SETD5: variants seen among roughly 807,000 people sequenced by gnomAD.
SETD5 encodes histone-lysine N-methyltransferase SETD5.
Under a neutral mutation model 153.3 loss-of-function variants are expected in SETD5, and 44 were observed. That is an observed-to-expected ratio of 0.29 (90% CI 0.23 to 0.37). The LOEUF (loss-of-function observed/expected upper bound fraction) is 0.37, where lower values mean the gene tolerates loss of function less well. Among genes scored for constraint, SETD5 ranks in the 10% least tolerant of loss-of-function variants. SETD5 has a pLI of 1.00. For synonymous variants in SETD5, 716 were observed against 645.2 expected (o/e 1.11, Z -1.66); for missense variants, 1,544 against 1,768.0 (o/e 0.87, Z 2.27).
chr3:9,453,922 A>C (rs2042920805), intron 17 of SETD5, 54 bp downstream of exon 17: 2 of 1,453,732 alleles, frequency 1.4e-6, no homozygotes, highest in Non-Finnish European at 1.8e-6. Flanking sequence ...TCAGGTCTGC[A>C]TAAAAAATTT....
At chr3:9,474,362 T>C in intron 20 of SETD5, 87 bp from the exon 21 acceptor site, 1 of 1,445,124 alleles carries the variant, frequency 6.9e-7, no homozygotes. Context: ...AGAGGATGTT[T>C]TAAGAAAATA....
At chr3:9,451,918 A>AT (rs2042668175) in intron 16 of SETD5, among the ~76,000 whole-genome samples, 1 of 152,212 alleles carries the variant, frequency 6.6e-6, no homozygotes, top group Admixed American at 6.5e-5. Flanking sequence ...TGTTCTTTTG[A>AT]TTTTAACAAC....
intron 14 of SETD5, 23 bp downstream of exon 14, chr3:9,447,330 C>A: frequency 6.3e-7 from 1 of 1,593,762 alleles, no homozygotes; most frequent in Non-Finnish European, 8.5e-7. Flanking sequence ...AAGACTTCAG[C>A]ACTTAGACAT....
At chr3:9,474,660 A>G (rs1052072063) in intron 21 of SETD5, 78 bp downstream of exon 21, 4 of 1,547,034 alleles carry the variant, frequency 2.6e-6, no homozygotes, top group Non-Finnish European at 2.6e-6. Context: ...CCTAGTGCTG[A>G]GTTGAGGTGA....
At chr3:9,447,388 C>T in intron 14 of SETD5, 81 bp downstream of exon 14, 1 of 1,516,458 alleles carries the variant, frequency 6.6e-7, no homozygotes, top group Non-Finnish European at 8.8e-7. Flanking sequence ...TTTTTAAAAT[C>T]AGTGTTTTCA....
intron 16 of SETD5, among the ~76,000 whole-genome samples, chr3:9,450,658 G>T (rs1479996099): frequency 6.6e-6 from 1 of 152,078 alleles, no homozygotes; most frequent in Non-Finnish European, 1.5e-5. Flanking sequence ...CAACAAAATT[G>T]TAATAAAATT....
rs2044335309 is a variant in SETD5, at chr3:9,464,535, T to C, written c.2587T>C (p.Ser863Pro). The change falls in exon 18 of 23, where the codon TCA (serine) becomes CCA (proline). Residue 863 changes from serine to proline, a missense_variant. Coordinates refer to ENST00000402198, the MANE Select transcript of SETD5 (RefSeq NM_001080517.3). ...CACACCACCCCCTCCCAATTCAGGC[T>C]CAAAGAGTCCCCAGCTGGCCACACC... is the stretch of plus-strand genomic sequence containing the variant. ...PVTPPPPNSGSKSPQLATPGS... is the reference protein window; with the variant it reads ...PVTPPPPNSGPKSPQLATPGS... 6.2e-7 allele frequency: 1 copy of C among 1,613,878 alleles called. No individual in the cohort carries two copies.
chr3:9,453,325 G>A lies in SETD5; in HGVS notation c.2347-414G>A, dbSNP rs550131169. Among the ~76,000 whole-genome samples, 25 of 152,156 alleles carry A rather than the reference G, an allele frequency of 1.6e-4. No individual in the cohort carries two copies. In the East Asian group the frequency reaches 4.4e-3, roughly 27 times the overall value. ...CCTCTTCACACGTCTCTAGCACGGG[G>A]CAGACAACTTTTAAGAGATCTTTAT... On this transcript the variant is annotated intron_variant, in intron 16 of 22. Transcript: ENST00000402198.
chr3:9,459,612 T>A (rs1457932940), intron 17 of SETD5, among the ~76,000 whole-genome samples: 4 of 131,594 alleles, frequency 3.0e-5, no homozygotes, highest in South Asian at 2.3e-4. Flanking sequence ...CTACTAAAAA[T>A]ACAACAACAA....
intron 15 of SETD5, 75 bp from the exon 16 acceptor site, chr3:9,448,313 C>T: frequency 6.5e-7 from 1 of 1,540,408 alleles, no homozygotes. Context: ...GTCCTAGTTT[C>T]TAGATGACGT....
intron 18 of SETD5, among the ~76,000 whole-genome samples, chr3:9,467,170 A>C (rs376317832): frequency 1.4e-5 from 2 of 139,308 alleles, no homozygotes; most frequent in East Asian, 4.9e-4. Flanking sequence ...TCCACATTCC[A>C]GCCTGGGCAA....
chr3:9,474,697 A>G (rs2125620469), intron 21 of SETD5, 115 bp downstream of exon 21: 1 of 1,413,786 alleles, frequency 7.1e-7, no homozygotes, highest in Non-Finnish European at 9.6e-7. Context: ...GTTGGGCTCC[A>G]CCGCATGCTA....
In SETD5 at chr3:9,464,602, A is replaced by T. The variant is rs2125501379; in HGVS notation, c.2654A>T (p.Tyr885Phe). 6.2e-7 allele frequency: 1 copy of T among 1,613,992 alleles called. No individual in the cohort carries two copies. Among genetic ancestry groups the T allele is most frequent in the East Asian group, 2.2e-5 (1 of 44,882 alleles). The change falls in exon 18 of 23, where the codon TAC (tyrosine) becomes TTC (phenylalanine). Residue 885 changes from tyrosine (Y) to phenylalanine (F), a missense_variant. By Grantham distance (22) the Tyr-to-Phe change is conservative (BLOSUM62 3). This residue lies in a region of SETD5 where 782 missense variants were observed against 787.2 expected (regional missense o/e 0.99). Transcript: ENST00000402198. ...GGAGAAGAGGAGTGTCGAAATGGAT[A>T]CAGCCTCATGTTTTCACCAGTCACA... is the stretch of plus-strand genomic sequence containing the variant. Reference protein sequence around the residue: ...HPGEEECRNGYSLMFSPVTSL... With the variant: ...HPGEEECRNGFSLMFSPVTSL...
chr3:9,408,536 G>C (rs549601091), intron 1 of SETD5, among the ~76,000 whole-genome samples: 62 of 152,250 alleles, frequency 4.1e-4, no homozygotes, highest in African/African-American at 1.4e-3. Flanking sequence ...TCTTGTTAAA[G>C]AAATTCATTA....
intron 7 of SETD5, among the ~76,000 whole-genome samples, 183 bp downstream of exon 7, chr3:9,436,089 C>T (rs1259810815): frequency 6.6e-6 from 1 of 152,144 alleles, no homozygotes; most frequent in African/African-American, 2.4e-5. Flanking sequence ...TTCTGCCACA[C>T]CATATCATCA....
chr3:9,460,327 A>C (rs986370841), intron 17 of SETD5, among the ~76,000 whole-genome samples: 1 of 151,860 alleles, frequency 6.6e-6, no homozygotes, highest in Non-Finnish European at 1.5e-5. Flanking sequence ...TATATAGATG[A>C]AGAGGGACAT....
At chr3:9,442,356 A>G (rs1214199189) in intron 10 of SETD5, 111 bp downstream of exon 10, 4 of 765,466 alleles carry the variant, frequency 5.2e-6, no homozygotes, top group Non-Finnish European at 8.7e-6. Context: ...AATAGTCGTG[A>G]TATTTCATCG....
chr3:9,440,759 G>C, intron 8 of SETD5, 61 bp downstream of exon 8: 1 of 1,543,600 alleles, frequency 6.5e-7, no homozygotes, highest in South Asian at 1.2e-5. Context: ...CCAGGAAGAG[G>C]GTAATGGATT....
At chr3:9,468,255 C>T (rs2044858195) in intron 18 of SETD5, among the ~76,000 whole-genome samples, 1 of 151,950 alleles carries the variant, frequency 6.6e-6, no homozygotes, top group Non-Finnish European at 1.5e-5. Context: ...CTTGTATGTG[C>T]TTGAGATGTT....
Sources: allele counts gnomAD v4.1 joint callset (sites outside exome capture counted in the v4.1 genomes callset), GRCh38; gene constraint gnomAD v4.1.1; regional missense constraint gnomAD v4.1.1; transcripts MANE v1.5; gene names NCBI Gene and HGNC (gene_info 2026-07-23, HGNC 2026-07-21).